Variants in CDH18 observed in about 807,000 individuals in gnomAD.
The protein encoded by CDH18 is cadherin-18.
CDH18 carries 31 observed loss-of-function variants against 67.9 expected under a neutral mutation model. That is an observed-to-expected ratio of 0.46 (90% confidence interval 0.34 to 0.62). CDH18 has a LOEUF of 0.62. CDH18 is among the 20% of genes least tolerant of loss of function. CDH18 has a pLI of 0.01. For missense variants in CDH18, 890 were observed against 975.5 expected (o/e 0.91, Z 1.17); for synonymous variants, 362 against 347.2 (o/e 1.04, Z -0.48).
intron 1 of CDH18, among the ~76,000 whole-genome samples, chr5:20,265,235 C>CA (rs1413619292): frequency 1.3e-5 from 2 of 151,856 alleles, no homozygotes; most frequent in African/African-American, 2.4e-5. Context: ...AAAAGACAAA[C>CA]TTTTTTTTCC....
chr5:19,501,732 A>T (rs375338664), intron 11 of CDH18, among the ~76,000 whole-genome samples: 1 of 152,186 alleles, frequency 6.6e-6, no homozygotes, highest in Non-Finnish European at 1.5e-5. Context: ...ACATAAGTAC[A>T]TGGATCAACA....
chr5:19,838,753 T>C lies in CDH18; in HGVS notation c.228+6A>G, dbSNP rs780960973. ...AGAAAAAACAGCAAAATAAACAAAA[T>C]CTTACCTTTCCAACATACTGAGGAT... is the stretch of plus-strand genomic sequence containing the variant. On this transcript the variant is annotated splice_donor_region_variant and intron_variant, in intron 3 of 12. Coordinates refer to ENST00000382275, the MANE Select transcript of CDH18 (RefSeq NM_004934.5). 10 of 1,595,574 alleles carry C rather than the reference T, an allele frequency of 6.3e-6. No individual in the cohort carries two copies. Among genetic ancestry groups the C allele is most frequent in the Non-Finnish European group, 6.0e-6 (7 of 1,163,798 alleles).
chr5:20,326,958 C>T (rs968153595), intron 1 of CDH18, among the ~76,000 whole-genome samples: 6 of 152,224 alleles, frequency 3.9e-5, no homozygotes, highest in East Asian at 1.9e-4. Context: ...GTGTCATAGA[C>T]GGGTGAATGT....
intron 7 of CDH18, among the ~76,000 whole-genome samples, chr5:19,582,360 G>C (rs1250750027): frequency 6.6e-6 from 1 of 151,912 alleles, no homozygotes; most frequent in Non-Finnish European, 1.5e-5. Flanking sequence ...TGCATAAACT[G>C]TATTTTAGGA....
At chr5:19,742,140 G>A (rs1158031198) in intron 4 of CDH18, among the ~76,000 whole-genome samples, 1 of 152,022 alleles carries the variant, frequency 6.6e-6, no homozygotes, top group Non-Finnish European at 1.5e-5. Flanking sequence ...TTTGTCGGCA[G>A]ATTATTGCCC....
chr5:20,247,870 A>C (rs1258298948), intron 2 of CDH18, among the ~76,000 whole-genome samples: 5 of 152,168 alleles, frequency 3.3e-5, no homozygotes, highest in Admixed American at 3.3e-4. Flanking sequence ...AATAATTAGT[A>C]GTAGAAAAAG....
rs77227279 is a variant in CDH18, at chr5:20,548,366, C to G, written c.-580+27096G>C. 4.2e-4 allele frequency among the ~76,000 whole-genome samples: 64 copies of G among 151,534 alleles called. No homozygotes were observed. In the East Asian group the frequency reaches 0.011, roughly 26 times the overall value. On this transcript the variant is annotated intron_variant, in intron 1 of 14. Coordinates refer to the CDH18 transcript ENST00000507958. Reference sequence around the variant, plus strand: ...ATTTTATTGTATGTGTATATGTGTTCATAAAATATGTCCCTGGATACTTAT... The same window carrying G: ...ATTTTATTGTATGTGTATATGTGTTGATAAAATATGTCCCTGGATACTTAT...
At chr5:19,821,028 T>C (rs1164192143) in intron 3 of CDH18, among the ~76,000 whole-genome samples, 3 of 151,874 alleles carry the variant, frequency 2.0e-5, no homozygotes, top group Non-Finnish European at 4.4e-5. Context: ...GCACAAAAAC[T>C]CCATTAATTT....
intron 6 of CDH18, among the ~76,000 whole-genome samples, chr5:19,608,496 A>G (rs1314821249): frequency 1.3e-5 from 2 of 151,526 alleles, no homozygotes; most frequent in African/African-American, 4.8e-5. Flanking sequence ...AATAATAAAA[A>G]CAACAGCTCC....
At chr5:19,829,948 G>A (rs974954452) in intron 3 of CDH18, among the ~76,000 whole-genome samples, 1 of 152,040 alleles carries the variant, frequency 6.6e-6, no homozygotes, top group Admixed American at 6.6e-5. Context: ...GAAAAGGCTC[G>A]CTATTCAATA....
intron 2 of CDH18, among the ~76,000 whole-genome samples, chr5:20,079,722 C>A (rs1744281584): frequency 6.6e-6 from 1 of 152,128 alleles, no homozygotes; most frequent in Admixed American, 6.6e-5. Flanking sequence ...AGAGTACTAT[C>A]TCAGTCAGTT....
chr5:20,102,513 G>A (rs1422856037), intron 2 of CDH18, among the ~76,000 whole-genome samples: 1 of 152,188 alleles, frequency 6.6e-6, no homozygotes, highest in Non-Finnish European at 1.5e-5. Flanking sequence ...GAATGCCTGA[G>A]GAGCAGAGTG....
chr5:20,281,025 C>T (rs532983649), intron 1 of CDH18, among the ~76,000 whole-genome samples: 1 of 151,294 alleles, frequency 6.6e-6, no homozygotes, highest in East Asian at 1.9e-4. Flanking sequence ...GTGTCTGTTC[C>T]TATCCTTTTC....
chr5:20,497,587 A>G (rs1753987091), intron 1 of CDH18, among the ~76,000 whole-genome samples: 1 of 152,120 alleles, frequency 6.6e-6, no homozygotes, highest in Non-Finnish European at 1.5e-5. Context: ...CACAAGCATG[A>G]GCTCATCCAA....
intron 1 of CDH18, among the ~76,000 whole-genome samples, chr5:20,303,082 C>A (rs1736085815): frequency 1.3e-5 from 2 of 152,156 alleles, no homozygotes; most frequent in African/African-American, 4.8e-5. Context: ...TTTTCTCTTT[C>A]ATTACCTTAT....
At chr5:20,525,714 T>C (rs1756006923) in intron 1 of CDH18, among the ~76,000 whole-genome samples, 1 of 152,050 alleles carries the variant, frequency 6.6e-6, no homozygotes, top group Admixed American at 6.6e-5. Flanking sequence ...GAAAACTAGA[T>C]TAGCAAAAGG....
At position 20,358,516 on chromosome 5, in the gene CDH18, C is replaced by T. The variant is rs919375927; in HGVS notation, c.-579-103011G>A. ...TATGCATTATTCATATGAGGTTTTA[C>T]TCAACTTAACTTTCTACAGAGCAAT... is the stretch of plus-strand genomic sequence containing the variant. On this transcript the variant is annotated intron_variant, in intron 1 of 14. Coordinates refer to the CDH18 transcript ENST00000507958. Among the ~76,000 whole-genome samples, 4 of 152,106 alleles carry T rather than the reference C, an allele frequency of 2.6e-5. 1 individual carries two copies. Among genetic ancestry groups the T allele is most frequent in the African/African-American group, 9.7e-5 (4 of 41,402 alleles).
intron 1 of CDH18, among the ~76,000 whole-genome samples, chr5:20,414,779 A>C (rs562189975): frequency 6.6e-6 from 1 of 152,196 alleles, no homozygotes; most frequent in Non-Finnish European, 1.5e-5. Context: ...ATATCGTTTC[A>C]TACCTGTGAG....
chr5:20,026,404 G>A, intron 2 of CDH18, among the ~76,000 whole-genome samples: 1 of 152,108 alleles, frequency 6.6e-6, no homozygotes. Flanking sequence ...ATTAATACAA[G>A]TGCCAAACCT....
Sources: allele counts gnomAD v4.1 joint callset (sites outside exome capture counted in the v4.1 genomes callset), GRCh38; gene constraint gnomAD v4.1.1; transcripts MANE v1.5; gene names NCBI Gene and HGNC (gene_info 2026-07-23, HGNC 2026-07-21).